Variants in GALNT17 observed in about 807,000 individuals in gnomAD.
GALNT17 encodes polypeptide N-acetylgalactosaminyltransferase 17.
Under a neutral mutation model 63.7 loss-of-function variants are expected in GALNT17, and 29 were observed. The ratio of observed to expected loss-of-function variants is 0.46; its 90% confidence interval spans 0.34 to 0.62. The LOEUF is 0.62. Among genes scored for constraint, GALNT17 ranks in the 20% least tolerant of loss-of-function variants. GALNT17 has a pLI of 0.01. For synonymous variants in GALNT17, 305 were observed against 318.3 expected (o/e 0.96, Z 0.45); for missense variants, 603 against 799.6 (o/e 0.75, Z 2.97).
In GALNT17 at chr7:71,533,110, A is replaced by G. The variant is rs558806266; in HGVS notation, c.963-38175A>G. On this transcript the variant is annotated intron_variant, in intron 5 of 10. Coordinates refer to ENST00000333538, the MANE Select transcript of GALNT17 (RefSeq NM_022479.3). Reference sequence around the variant, plus strand: ...AGAATTGATCTTCACCACATGGCTTAAAAGTCCTCCTATGGAGGAGAAGCT... The same window carrying G: ...AGAATTGATCTTCACCACATGGCTTGAAAGTCCTCCTATGGAGGAGAAGCT... Among the ~76,000 whole-genome samples, 124 of 152,350 alleles carry G rather than the reference A, an allele frequency of 8.1e-4. 1 individual carries two copies. The South Asian group carries it at 0.025, about 31-fold the overall frequency.
chr7:71,438,412 G>T, intron 5 of GALNT17, among the ~76,000 whole-genome samples: 1 of 152,280 alleles, frequency 6.6e-6, no homozygotes, highest in East Asian at 1.9e-4. Context: ...GGGTGAGTCT[G>T]CCTTTCCCAG....
chr7:71,541,186 G>A (rs1192081582), intron 5 of GALNT17, among the ~76,000 whole-genome samples: 1 of 151,884 alleles, frequency 6.6e-6, no homozygotes, highest in Non-Finnish European at 1.5e-5. Context: ...AGAGGTTGCA[G>A]TGAGCAGAGA....
chr7:71,365,029 C>T (rs567921237), intron 2 of GALNT17, among the ~76,000 whole-genome samples: 3 of 152,108 alleles, frequency 2.0e-5, no homozygotes, highest in East Asian at 3.9e-4. Context: ...CTCCTGGGTT[C>T]AAGCGGTTCT....
chr7:71,579,262 G>C (rs1789588333), intron 6 of GALNT17, among the ~76,000 whole-genome samples: 1 of 152,174 alleles, frequency 6.6e-6, no homozygotes, highest in African/African-American at 2.4e-5. Flanking sequence ...GTCTTTCATG[G>C]AGGGGAATGT....
intron 1 of GALNT17, among the ~76,000 whole-genome samples, chr7:71,221,489 A>G (rs1001217253): frequency 2.0e-5 from 3 of 150,538 alleles, no homozygotes; most frequent in Non-Finnish European, 2.9e-5. Flanking sequence ...TCCGTAGCCA[A>G]TTGGAATTCC....
chr7:71,513,273 A>G (rs1419428018), intron 5 of GALNT17, among the ~76,000 whole-genome samples: 1 of 152,174 alleles, frequency 6.6e-6, no homozygotes, highest in African/African-American at 2.4e-5. Context: ...ATTTACACAT[A>G]TACAAAAGTA....
chr7:71,297,657 A>G (rs1791106900), intron 1 of GALNT17, among the ~76,000 whole-genome samples: 1 of 152,212 alleles, frequency 6.6e-6, no homozygotes, highest in Non-Finnish European at 1.5e-5. Context: ...AGCCTTTCTC[A>G]TAATAGCTCC....
intron 1 of GALNT17, among the ~76,000 whole-genome samples, chr7:71,172,769 T>C (rs1369526891): frequency 6.6e-6 from 1 of 152,248 alleles, no homozygotes. Flanking sequence ...ACCCAGGATT[T>C]CTTAATAAAT....
chr7:71,157,985 C>T (rs1788268224), intron 1 of GALNT17, among the ~76,000 whole-genome samples: 1 of 151,678 alleles, frequency 6.6e-6, no homozygotes, highest in Non-Finnish European at 1.5e-5. Flanking sequence ...GAATAATATT[C>T]CACTGTATGT....
Position 71,263,759 on chromosome 7 carries a change from T to G in GALNT17, c.239-71791T>G, listed in dbSNP as rs537797668. 1.1e-3 allele frequency among the ~76,000 whole-genome samples: 170 copies of G among 151,830 alleles called. 1 individual carries two copies. The highest frequency in any genetic ancestry group is 4.1e-3 in the African/African-American group (169 of 41,394). ...TAACACGGTGAAACCCCGTCTCTACTAAAAAAATACAAAAAGTTAGCCGGC... is the reference window on the plus strand; with the variant it reads ...TAACACGGTGAAACCCCGTCTCTACGAAAAAAATACAAAAAGTTAGCCGGC... On this transcript the variant is annotated intron_variant, in intron 1 of 10. Transcript: ENST00000333538.
At chr7:71,562,911 G>C (rs964051441) in intron 5 of GALNT17, among the ~76,000 whole-genome samples, 2 of 152,184 alleles carry the variant, frequency 1.3e-5, no homozygotes, top group Non-Finnish European at 2.9e-5. Flanking sequence ...AGGCTTTAGA[G>C]GAGGGGAAGC....
At chr7:71,577,713 CAT>C (rs1258109544) in intron 6 of GALNT17, among the ~76,000 whole-genome samples, 3 of 152,134 alleles carry the variant, frequency 2.0e-5, no homozygotes, top group Admixed American at 2.0e-4. Flanking sequence ...TCAGGGTAAA[CAT>C]AACATTCTTA....
chr7:71,432,372 A>G (rs1318955795), intron 5 of GALNT17, among the ~76,000 whole-genome samples: 1 of 152,208 alleles, frequency 6.6e-6, no homozygotes, highest in Non-Finnish European at 1.5e-5. Flanking sequence ...TGGGTCAGTC[A>G]CATAGGCATG....
chr7:71,591,615 G>C (rs1002339706), intron 6 of GALNT17, among the ~76,000 whole-genome samples: 4 of 152,182 alleles, frequency 2.6e-5, no homozygotes, highest in African/African-American at 9.6e-5. Context: ...TTGGCTCATT[G>C]GAAATGGGCT....
intron 2 of GALNT17, among the ~76,000 whole-genome samples, chr7:71,373,858 A>G (rs1337535130): frequency 6.6e-6 from 1 of 152,150 alleles, no homozygotes; most frequent in African/African-American, 2.4e-5. Context: ...TCTCCCAATG[A>G]TAAAATCTAA....
At chr7:71,243,679 A>G (rs911983563) in intron 1 of GALNT17, among the ~76,000 whole-genome samples, 1 of 152,280 alleles carries the variant, frequency 6.6e-6, no homozygotes, top group South Asian at 2.1e-4. Context: ...AGCTGGGACT[A>G]CAGGTGGGTG....
chr7:71,185,677 T>C (rs1468416407), intron 1 of GALNT17, among the ~76,000 whole-genome samples: 1 of 151,956 alleles, frequency 6.6e-6, no homozygotes, highest in African/African-American at 2.4e-5. Context: ...CTAGCTAATT[T>C]TTTGTATTTT....
intron 2 of GALNT17, among the ~76,000 whole-genome samples, chr7:71,375,572 C>T (rs1026605753): frequency 6.6e-6 from 1 of 152,176 alleles, no homozygotes; most frequent in Non-Finnish European, 1.5e-5. Context: ...GCACGTGTCA[C>T]CATGCCTATC....
chr7:71,711,352 A>C (rs1791789273), intron 10 of GALNT17, among the ~76,000 whole-genome samples: 1 of 143,006 alleles, frequency 7.0e-6, no homozygotes, highest in Non-Finnish European at 1.5e-5. Flanking sequence ...AAGCTTATTT[A>C]GGTTCTGACT....
Sources: gnomAD v4.1 joint callset for allele counts (sites outside exome capture counted in the v4.1 genomes callset) on GRCh38, gnomAD v4.1.1 for gene constraint, MANE v1.5 for transcripts, NCBI Gene and HGNC (gene_info 2026-07-23, HGNC 2026-07-21) for gene names.